The following FOXP2 variants were observed in gnomAD, a reference collection of about 807,000 sequenced individuals.
The protein encoded by FOXP2 is forkhead box P2, also known as forkhead box protein P2.
FOXP2 carries 12 observed loss-of-function variants against 115.8 expected under a neutral mutation model. The ratio of observed to expected loss-of-function variants is 0.10; its 90% confidence interval spans 0.07 to 0.17. FOXP2 has a LOEUF of 0.17. FOXP2 is among the 10% of genes least tolerant of loss of function. FOXP2 has a pLI of 1.00. For missense variants in FOXP2, 629 were observed against 843.5 expected (o/e 0.75, Z 3.15); for synonymous variants, 328 against 297.7 (o/e 1.10, Z -1.05).
intron 8 of FOXP2, among the ~76,000 whole-genome samples, chr7:114,646,701 A>T (rs1322204621): frequency 2.0e-5 from 3 of 152,040 alleles, no homozygotes; most frequent in Non-Finnish European, 4.4e-5. Context: ...AGCTAATGTA[A>T]GTATACTGAC....
intron 1 of FOXP2, among the ~76,000 whole-genome samples, chr7:114,205,378 A>G (rs1303186815): frequency 1.3e-5 from 2 of 152,218 alleles, no homozygotes; most frequent in Non-Finnish European, 2.9e-5. Context: ...AAGCAAGTAT[A>G]AAGCAAGTTG....
At chr7:114,218,156 G>A (rs1196741329) in intron 1 of FOXP2, among the ~76,000 whole-genome samples, 1 of 152,104 alleles carries the variant, frequency 6.6e-6, no homozygotes, top group African/African-American at 2.4e-5. Flanking sequence ...TGGCTGAAAT[G>A]ATCTTAATCC....
chr7:114,140,954 G>T (rs768586973), intron 1 of FOXP2, among the ~76,000 whole-genome samples: 12 of 152,152 alleles, frequency 7.9e-5, no homozygotes, highest in Non-Finnish European at 1.5e-4. Flanking sequence ...AAGTATTTGT[G>T]CTGAAGCTGG....
intron 2 of FOXP2, among the ~76,000 whole-genome samples, chr7:114,491,939 G>A (rs1797076562): frequency 6.6e-6 from 1 of 152,166 alleles, no homozygotes; most frequent in Non-Finnish European, 1.5e-5. Flanking sequence ...ATGAGTTAGG[G>A]AGGATTCCCT....
At chr7:114,113,023 C>T (rs1243474512) in intron 1 of FOXP2, among the ~76,000 whole-genome samples, 1 of 152,120 alleles carries the variant, frequency 6.6e-6, no homozygotes, top group Non-Finnish European at 1.5e-5. Context: ...GTTGACTGAT[C>T]CTTCATCAGA....
chr7:114,459,204 C>G (rs1050890751), intron 2 of FOXP2, among the ~76,000 whole-genome samples: 1 of 152,146 alleles, frequency 6.6e-6, no homozygotes, highest in East Asian at 1.9e-4. Flanking sequence ...TTCTATTGTT[C>G]CTGGCAAGTC....
rs944809746 is a variant in FOXP2, at chr7:114,152,211, A to G, written c.-246-10733A>G. On this transcript the variant is annotated intron_variant, in intron 1 of 19. Transcript: ENST00000635638. ...AGTATGTGTGGCACAATGATGAAAC[A>G]AATTGTTCCGACATTATCTATTGAA... 2.0e-5 allele frequency among the ~76,000 whole-genome samples: 3 copies of G among 152,182 alleles called. No individual in the cohort carries two copies. The East Asian group carries it at 5.8e-4, about 29-fold the overall frequency.
At chr7:114,095,193 C>T (rs1416800014) in intron 1 of FOXP2, among the ~76,000 whole-genome samples, 1 of 152,116 alleles carries the variant, frequency 6.6e-6, no homozygotes, top group Non-Finnish European at 1.5e-5. Flanking sequence ...CTGTCTATAA[C>T]TATTGCATGA....
At chr7:114,383,673 C>T (rs575113608) in intron 2 of FOXP2, among the ~76,000 whole-genome samples, 1 of 152,204 alleles carries the variant, frequency 6.6e-6, no homozygotes, top group Admixed American at 6.5e-5. Context: ...ATATCGTGGC[C>T]AGGCGGTACT....
intron 2 of FOXP2, among the ~76,000 whole-genome samples, chr7:114,498,352 A>G (rs1444297451): frequency 6.6e-6 from 1 of 152,212 alleles, no homozygotes; most frequent in Admixed American, 6.5e-5. Context: ...TCATTTTAAT[A>G]AATATTTATT....
At position 114,662,178 on chromosome 7, in the gene FOXP2, G is replaced by T; in HGVS notation, c.1761G>T (p.Lys587Asn). The T allele has an allele frequency of 1.2e-6, 2 of 1,612,632 alleles. No homozygotes were observed. Among genetic ancestry groups the T allele is most frequent in the Non-Finnish European group, 1.7e-6 (2 of 1,178,986 alleles). The change falls in exon 14 of 17, where the codon AAG (lysine) becomes AAT (asparagine). Residue 587 changes from lysine (K) to asparagine (N), a missense_variant. Physicochemically the swap from Lys to Asn is moderately conservative, Grantham distance 94. Transcript: ENST00000350908. ...AATACCAGAAGCGAAGGTCACAAAA[G>T]ATAACAGGGTATGTTTGTGATAGTT... ...EVEYQKRRSQ[K>N]ITGSPTLVKN...
At chr7:114,317,157 A>G (rs1472732758) in intron 2 of FOXP2, among the ~76,000 whole-genome samples, 3 of 152,144 alleles carry the variant, frequency 2.0e-5, no homozygotes, top group Non-Finnish European at 4.4e-5. Context: ...CTGGTCCTCC[A>G]TCTTTCCCAG....
intron 1 of FOXP2, among the ~76,000 whole-genome samples, chr7:114,227,346 G>A (rs974165864): frequency 1.1e-4 from 17 of 151,876 alleles, no homozygotes; most frequent in African/African-American, 2.9e-4. Flanking sequence ...TGTTTCTATG[G>A]AAAAAGAAAG....
intron 8 of FOXP2, among the ~76,000 whole-genome samples, chr7:114,649,201 A>G (rs1440050496): frequency 1.3e-5 from 2 of 152,020 alleles, no homozygotes; most frequent in Non-Finnish European, 2.9e-5. Flanking sequence ...AAAAAAAGAA[A>G]CTTAATAAAG....
intron 14 of FOXP2, among the ~76,000 whole-genome samples, chr7:114,662,679 T>C (rs1286132766): frequency 6.6e-6 from 1 of 152,128 alleles, no homozygotes; most frequent in African/African-American, 2.4e-5. Flanking sequence ...CATTTGGACC[T>C]ACCTTGCTTT....
intron 2 of FOXP2, among the ~76,000 whole-genome samples, chr7:114,321,635 C>G (rs1003815950): frequency 6.6e-6 from 1 of 152,110 alleles, no homozygotes; most frequent in African/African-American, 2.4e-5. Flanking sequence ...TTGTAGCAAA[C>G]GTGTGTATAA....
intron 2 of FOXP2, among the ~76,000 whole-genome samples, chr7:114,393,530 C>T (rs114701302): frequency 0.013 from 1,917 of 151,982 alleles, 44 homozygotes; most frequent in African/African-American, 0.042. Context: ...AAATTAGAGC[C>T]GGAGTAGGCT....
chr7:114,621,093 G>C (rs1804225906), intron 3 of FOXP2, among the ~76,000 whole-genome samples: 1 of 151,886 alleles, frequency 6.6e-6, no homozygotes, highest in Non-Finnish European at 1.5e-5. Context: ...GCTGAAATTT[G>C]GGGTGTTAAT....
chr7:114,266,292 GTGCCAATGTTC>G (rs1445718671), intron 1 of FOXP2, among the ~76,000 whole-genome samples: 1 of 152,064 alleles, frequency 6.6e-6, no homozygotes, highest in African/African-American at 2.4e-5. Flanking sequence ...AAAACTCCTG[GTGCCAATGTTC>G]TCTGTTAGGG....
Sources: gnomAD v4.1 joint callset for allele counts (sites outside exome capture counted in the v4.1 genomes callset) on GRCh38, gnomAD v4.1.1 for gene constraint, MANE v1.5 for transcripts, NCBI Gene and HGNC (gene_info 2026-07-23, HGNC 2026-07-21) for gene names.